The following CCDC191 variants were observed in gnomAD, a reference collection of about 807,000 sequenced individuals.
The protein encoded by CCDC191 is coiled-coil domain-containing protein 191.
In CCDC191, 99 loss-of-function variants were observed where a neutral mutation model predicts 114.0. The observed-to-expected ratio is 0.87, with a 90% CI of 0.74 to 1.03. The LOEUF is 1.03. Among genes scored for constraint, CCDC191 ranks in the 50% least tolerant of loss-of-function variants. The probability of loss-of-function intolerance (pLI) is 0.00; values close to 1 mark genes in which losing one functional copy is unlikely to be tolerated. For missense variants in CCDC191, 973 were observed against 1,087.0 expected (o/e 0.90, Z 1.47); for synonymous variants, 351 against 376.0 (o/e 0.93, Z 0.77).
chr3:114,017,341 G>A (rs528727411), intron 8 of CCDC191, among the ~76,000 whole-genome samples: 1 of 152,180 alleles, frequency 6.6e-6, no homozygotes, highest in African/African-American at 2.4e-5. Flanking sequence ...CACTCTTTAG[G>A]AATCTCCTTA....
chr3:113,978,585 C>A, intron 15 of CCDC191: 1 of 576,510 alleles, frequency 1.7e-6, no homozygotes, highest in East Asian at 2.9e-5. Context: ...CACTGTGAGA[C>A]AAGAAACAAG....
At chr3:114,028,411 G>C (rs959006917) in intron 7 of CCDC191, among the ~76,000 whole-genome samples, 7 of 150,492 alleles carry the variant, frequency 4.7e-5, no homozygotes, top group Admixed American at 1.3e-4. Context: ...TCAGCCTCCC[G>C]AGTAGCTGGG....
chr3:114,027,390 C>T (rs866107829), intron 7 of CCDC191, among the ~76,000 whole-genome samples: 2 of 151,926 alleles, frequency 1.3e-5, no homozygotes, highest in South Asian at 2.1e-4. Context: ...CCAAGGTGGG[C>T]GGATCACGAG....
chr3:113,997,298 G>A (rs1218827399), intron 13 of CCDC191, among the ~76,000 whole-genome samples: 1 of 152,110 alleles, frequency 6.6e-6, no homozygotes, highest in Admixed American at 6.6e-5. Flanking sequence ...TCATATTTAG[G>A]TAGAGTTTCA....
rs901767960 is a variant in CCDC191 at position 113,978,742 on chromosome 3, T to G, written c.2460+116A>C. 3.7e-6 allele frequency: 4 copies of G among 1,068,092 alleles called. No individual in the cohort carries two copies. The African/African-American group carries it at 6.4e-5, about 17-fold the overall frequency. 66.2% of individuals were successfully genotyped at this position (1,068,092 alleles called of 1,614,324 possible). A position where few individuals can be genotyped will look rare whatever the true frequency, so the allele number is the denominator to read the frequency against. On this transcript the variant is annotated intron_variant, in intron 15 of 16. Coordinates refer to ENST00000295878, the MANE Select transcript of CCDC191 (RefSeq NM_020817.2). ...TTTCAAAGCAGTGAATGGGATTGAC[T>G]ACTCTTTTGTTCTTGAAAAAACATA...
intron 16 of CCDC191, among the ~76,000 whole-genome samples, chr3:113,968,022 T>C (rs1002766595): frequency 5.3e-5 from 8 of 152,250 alleles, no homozygotes; most frequent in South Asian, 2.1e-4. Flanking sequence ...ATTTTCTTTA[T>C]GCATTTATCC....
intron 14 of CCDC191, 83 bp from the exon 15 acceptor site, chr3:113,979,093 A>G (rs2107605684): frequency 1.5e-6 from 2 of 1,297,546 alleles, no homozygotes; most frequent in East Asian, 2.5e-5. Flanking sequence ...AAATGATGCT[A>G]TAAAACACAT....
chr3:114,004,879 C>T, intron 10 of CCDC191, 133 bp from the exon 11 acceptor site: 1 of 919,546 alleles, frequency 1.1e-6, no homozygotes, highest in South Asian at 1.7e-5. Context: ...ATATTATATC[C>T]ACTCCATAAA....
chr3:114,031,049 TA>T (rs2076397405), intron 7 of CCDC191, among the ~76,000 whole-genome samples: 1 of 152,220 alleles, frequency 6.6e-6, no homozygotes, highest in Non-Finnish European at 1.5e-5. Flanking sequence ...ACTGCTTAAG[TA>T]ACCTGAAGAG....
intron 1 of CCDC191, among the ~76,000 whole-genome samples, chr3:114,054,720 T>C (rs913546810): frequency 7.9e-5 from 12 of 152,074 alleles, no homozygotes; most frequent in African/African-American, 2.7e-4. Context: ...TTTACTGTTT[T>C]ACAAAGCAGA....
intron 6 of CCDC191, 28 bp downstream of exon 6, chr3:114,034,896 AC>A (rs758965939): frequency 1.3e-6 from 2 of 1,587,096 alleles, no homozygotes; most frequent in Non-Finnish European, 1.7e-6. Flanking sequence ...AAACAGAGAA[AC>A]CCCACAGTGC....
At chr3:114,022,238 G>A (rs186417947) in intron 7 of CCDC191, among the ~76,000 whole-genome samples, 95 of 152,208 alleles carry the variant, frequency 6.2e-4, no homozygotes, top group Non-Finnish European at 1.6e-4. Context: ...AGTTGCCCTC[G>A]TTCTGTTAGC....
At chr3:114,003,816 G>C (rs1033599902) in intron 11 of CCDC191, 2 of 985,184 alleles carry the variant, frequency 2.0e-6, no homozygotes, top group Non-Finnish European at 2.4e-6. Flanking sequence ...TCTTGTCACA[G>C]GTAAAAAATC....
intron 9 of CCDC191, among the ~76,000 whole-genome samples, chr3:114,008,710 G>GTCTTAAA (rs2076016481): frequency 6.6e-6 from 1 of 151,944 alleles, no homozygotes; most frequent in Non-Finnish European, 1.5e-5. Context: ...AGCATCAATA[G>GTCTTAAA]TCTTAAAATA....
Position 114,005,786 on chromosome 3 carries a change from C to T in CCDC191, c.1590G>A (p.Gln530=). The T allele has an allele frequency of 6.2e-7, 1 of 1,614,074 alleles. No individual in the cohort carries two copies. The highest frequency in any genetic ancestry group is 8.5e-7 in the Non-Finnish European group (1 of 1,179,988). ...HKTLGAEPSQ[Q]PGSNETLRTT... ...TTCTGAGTGTCTCGTTGCTGCCAGG[C>T]TGTTGAGAGGGTTCAGCACCCAGGG... Residue 530 remains glutamine, a synonymous_variant, in exon 10 of 17, where the codon CAG becomes CAA. Transcript: ENST00000295878.
intron 16 of CCDC191, among the ~76,000 whole-genome samples, chr3:113,968,852 C>T (rs1940502574): frequency 6.6e-6 from 1 of 152,024 alleles, no homozygotes; most frequent in Admixed American, 6.6e-5. Flanking sequence ...TTTTAGTCCA[C>T]TTGTGTTGCT....
At chr3:114,051,352 A>T (rs1405933794) in intron 2 of CCDC191, among the ~76,000 whole-genome samples, 1 of 152,164 alleles carries the variant, frequency 6.6e-6, no homozygotes, top group Non-Finnish European at 1.5e-5. Context: ...ATCTTACTGC[A>T]TCCTCGAACC....
chr3:113,972,423 TGTGGTCAG>T (rs1940915863), intron 16 of CCDC191, among the ~76,000 whole-genome samples: 2 of 152,284 alleles, frequency 1.3e-5, no homozygotes, highest in East Asian at 3.9e-4. Context: ...TTTATTCTAT[TGTGGTCAG>T]AATAGATACT....
At chr3:113,985,201 A>G (rs990904710) in intron 13 of CCDC191, among the ~76,000 whole-genome samples, 3 of 152,142 alleles carry the variant, frequency 2.0e-5, no homozygotes, top group South Asian at 2.1e-4. Context: ...GAATCCACAG[A>G]AAGTTTGCAC....
Sources: allele counts gnomAD v4.1 joint callset (sites outside exome capture counted in the v4.1 genomes callset), GRCh38; gene constraint gnomAD v4.1.1; transcripts MANE v1.5; gene names NCBI Gene and HGNC (gene_info 2026-07-23, HGNC 2026-07-21).